SLIT3: variants seen among roughly 807,000 people sequenced by gnomAD.
The protein encoded by SLIT3 is slit guidance ligand 3.
A neutral mutation model predicts 184.0 loss-of-function variants in SLIT3; 68 were observed. The observed-to-expected ratio is 0.37, with a 90% CI of 0.30 to 0.45. The LOEUF is 0.45. SLIT3 is among the 20% of genes least tolerant of loss of function. SLIT3 has a pLI of 1.00. For synonymous variants in SLIT3, 831 were observed against 828.6 expected, an observed-to-expected ratio of 1.00 and a Z score of -0.05; for missense variants, 1,707 against 2,026.0, an observed-to-expected ratio of 0.84 and a Z score of 3.02.
intron 3 of SLIT3, among the ~76,000 whole-genome samples, chr5:169,234,484 T>G (rs35298584): frequency 0.51 from 78,048 of 151,994 alleles, 20,300 homozygotes; most frequent in Middle Eastern, 0.54. Context: ...TTGGCTCACC[T>G]CAACCTCCAC....
At chr5:168,739,992 T>C (rs1763571438) in intron 20 of SLIT3, among the ~76,000 whole-genome samples, 1 of 152,266 alleles carries the variant, frequency 6.6e-6, no homozygotes, top group South Asian at 2.1e-4. Flanking sequence ...TACTTTTAAA[T>C]GGAATTAATG....
chr5:168,932,025 C>T (rs1581221735), intron 4 of SLIT3, among the ~76,000 whole-genome samples: 1 of 152,156 alleles, frequency 6.6e-6, no homozygotes. Context: ...GTAGCCATCA[C>T]AAAGTCCCAG....
At chr5:168,785,626 C>T (rs1364994066) in intron 12 of SLIT3, among the ~76,000 whole-genome samples, 2 of 152,230 alleles carry the variant, frequency 1.3e-5, no homozygotes, top group Non-Finnish European at 2.9e-5. Context: ...CTTTCCTAAT[C>T]TCTATCCCCA....
chr5:168,907,916 A>G (rs1181620631), intron 4 of SLIT3, among the ~76,000 whole-genome samples: 4 of 125,326 alleles, frequency 3.2e-5, no homozygotes, highest in African/African-American at 1.1e-4. Context: ...AGATCTATCT[A>G]TATCTATTTT....
chr5:169,060,584 G>A lies in SLIT3; in HGVS notation c.413+132895C>T, dbSNP rs192427904. Among the ~76,000 whole-genome samples, 326 of 152,300 alleles carry A rather than the reference G, an allele frequency of 2.1e-3. 2 individuals are homozygous for A. The highest frequency in any genetic ancestry group is 7.5e-3 in the African/African-American group (310 of 41,582). ...TATGTCACCACTTCCCTGGAGATGAGCTGCAACTGGGGTGTGAGCGTCATT... is the reference window on the plus strand; with the variant it reads ...TATGTCACCACTTCCCTGGAGATGAACTGCAACTGGGGTGTGAGCGTCATT... On this transcript the variant is annotated intron_variant, in intron 4 of 35. Coordinates refer to ENST00000519560, the MANE Select transcript of SLIT3 (RefSeq NM_003062.4).
intron 12 of SLIT3, among the ~76,000 whole-genome samples, chr5:168,781,175 G>A (rs1380798600): frequency 2.0e-5 from 3 of 152,208 alleles, no homozygotes; most frequent in Non-Finnish European, 4.4e-5. Context: ...AGAGACATAG[G>A]AGGGTGCTAG....
intron 4 of SLIT3, among the ~76,000 whole-genome samples, chr5:169,026,801 A>G (rs1756843592): frequency 6.6e-6 from 1 of 151,996 alleles, no homozygotes; most frequent in South Asian, 2.1e-4. Flanking sequence ...ATCAGAAAAA[A>G]AAAACCCACC....
At chr5:169,292,474 A>C (rs1208384696) in intron 1 of SLIT3, among the ~76,000 whole-genome samples, 2 of 152,348 alleles carry the variant, frequency 1.3e-5, no homozygotes, top group East Asian at 3.9e-4. Flanking sequence ...ACAGAACCCC[A>C]GGGAAAGAAG....
intron 4 of SLIT3, among the ~76,000 whole-genome samples, chr5:169,025,623 A>G (rs528092098): frequency 6.6e-6 from 1 of 152,308 alleles, no homozygotes; most frequent in Admixed American, 6.5e-5. Context: ...AAGGAAACTA[A>G]GAGATGCCTG....
chr5:169,194,936 C>T (rs549717400), intron 3 of SLIT3, among the ~76,000 whole-genome samples: 44 of 152,280 alleles, frequency 2.9e-4, no homozygotes, highest in Non-Finnish European at 6.2e-4. Context: ...CCCCTCTGCC[C>T]TAGTGAGTTG....
intron 29 of SLIT3, 36 bp downstream of exon 29, chr5:168,692,571 T>TGGACTCTGTGCTGGGGGCACGAA: frequency 6.8e-7 from 1 of 1,466,412 alleles, no homozygotes; most frequent in Non-Finnish European, 9.5e-7. Flanking sequence ...AGAGTTTTCA[T>TGGACTCTGTGCTGGGGGCACGAA]GGACTCTGTG....
intron 5 of SLIT3, among the ~76,000 whole-genome samples, chr5:168,861,417 A>G (rs1271912617): frequency 1.5e-4 from 1 of 6,828 alleles, no homozygotes; most frequent in Non-Finnish European, 3.3e-4. Context: ...CGCCCCCACC[A>G]GCCCGCCCAA....
chr5:168,830,640 T>C (rs977152409), intron 6 of SLIT3, among the ~76,000 whole-genome samples: 4 of 152,234 alleles, frequency 2.6e-5, no homozygotes, highest in Non-Finnish European at 4.4e-5. Flanking sequence ...TGAGCACTTT[T>C]CATACATTAT....
intron 21 of SLIT3, 75 bp downstream of exon 21, chr5:168,724,341 T>C: frequency 8.2e-7 from 1 of 1,225,878 alleles, no homozygotes; most frequent in South Asian, 1.3e-5. Flanking sequence ...CTGTTCTCTC[T>C]TACCATCCAC....
chr5:168,979,419 A>C (rs1190013882), intron 4 of SLIT3, among the ~76,000 whole-genome samples: 1 of 152,194 alleles, frequency 6.6e-6, no homozygotes, highest in South Asian at 2.1e-4. Context: ...TGAACATGGC[A>C]TGCAACAATC....
chr5:168,860,293 C>A (rs1481263693), intron 5 of SLIT3, among the ~76,000 whole-genome samples: 8 of 151,984 alleles, frequency 5.3e-5, no homozygotes, highest in Non-Finnish European at 1.2e-4. Context: ...ACAAGTGACA[C>A]CTGATATACC....
chr5:169,188,178 C>T (rs532056932), intron 4 of SLIT3, among the ~76,000 whole-genome samples: 4 of 152,104 alleles, frequency 2.6e-5, no homozygotes, highest in Non-Finnish European at 4.4e-5. Context: ...AGGCTGGTCT[C>T]GAACTCCTGA....
At chr5:168,905,750 A>T (rs1463595515) in intron 4 of SLIT3, among the ~76,000 whole-genome samples, 2 of 152,188 alleles carry the variant, frequency 1.3e-5, no homozygotes, top group Admixed American at 6.5e-5. Flanking sequence ...GCTGAACCAC[A>T]GCGTTTCCTT....
rs999222735 is a variant in SLIT3 at position 168,894,412 on chromosome 5, G to A, written c.414-11076C>T. On this transcript the variant is annotated intron_variant, in intron 4 of 35. Coordinates refer to ENST00000519560, the MANE Select transcript of SLIT3 (RefSeq NM_003062.4). ...ATTTTATGCCATTGCTTGGTCCATG[G>A]ATGACTGAGAATACATCTCAAGCTA... Among the ~76,000 whole-genome samples, 3 of 152,218 alleles carry A rather than the reference G, an allele frequency of 2.0e-5. No individual in the cohort carries two copies. In the South Asian group the frequency reaches 6.2e-4, roughly 32 times the overall value.
Sources: gnomAD v4.1 joint callset for allele counts (sites outside exome capture counted in the v4.1 genomes callset) on GRCh38, gnomAD v4.1.1 for gene constraint, MANE v1.5 for transcripts, NCBI Gene and HGNC (gene_info 2026-07-23, HGNC 2026-07-21) for gene names.